ANXA8: variants seen among roughly 807,000 people sequenced by gnomAD.
ANXA8 encodes the protein annexin A8.
A neutral mutation model predicts 26.8 loss-of-function variants in ANXA8; 9 were observed. The ratio of observed to expected loss-of-function variants is 0.34; its 90% CI spans 0.20 to 0.59. The LOEUF is 0.59. Among genes scored for constraint, ANXA8 ranks in the 20% least tolerant of loss-of-function variants. The pLI is 0.84. For missense variants in ANXA8, 83 were observed against 238.5 expected, an observed-to-expected ratio of 0.35 and a Z score of 4.29; for synonymous variants, 39 against 94.8, an observed-to-expected ratio of 0.41 and a Z score of 3.42.
the ANXA8 span, among the ~76,000 whole-genome samples, chr10:47,701,625 C>T: frequency 6.6e-6 from 1 of 151,612 alleles, no homozygotes; most frequent in Non-Finnish European, 1.5e-5. Context: ...AGTATGCTGT[C>T]CTTCCTGTAA....
the ANXA8 span, among the ~76,000 whole-genome samples, chr10:47,967,603 CAGT>C: frequency 2.6e-3 from 230 of 88,664 alleles, no homozygotes; most frequent in African/African-American, 9.1e-3. Context: ...CATGACCAGC[CAGT>C]CACAGGGCCA....
chr10:47,667,524 A>T, the ANXA8 span, among the ~76,000 whole-genome samples: 11 of 151,638 alleles, frequency 7.3e-5, no homozygotes, highest in African/African-American at 2.7e-4. Flanking sequence ...TTTAATTTTT[A>T]AATTTATTTA....
the ANXA8 span, among the ~76,000 whole-genome samples, chr10:47,698,090 A>G: frequency 1.3e-5 from 2 of 151,372 alleles, no homozygotes; most frequent in African/African-American, 2.4e-5. Context: ...GGGAAGAGGG[A>G]CAATCTACTG....
chr10:47,733,219 T>TCTCTCTC, the ANXA8 span, among the ~76,000 whole-genome samples: 191 of 67,694 alleles, frequency 2.8e-3, no homozygotes, highest in Middle Eastern at 7.4e-3. Flanking sequence ...CTTTCTTTCT[T>TCTCTCTC]TCTCTTTCTT....
chr10:47,761,104 A>ACG, the ANXA8 span, among the ~76,000 whole-genome samples: 2 of 84,800 alleles, frequency 2.4e-5, no homozygotes, highest in African/African-American at 8.4e-5. Context: ...ACACACACGC[A>ACG]CACACACACA....
chr10:47,468,755 C>A lies in ANXA8; in HGVS notation c.*92G>T. 4 of 1,553,126 alleles carry A rather than the reference C, an allele frequency of 2.6e-6. No homozygotes were observed. The South Asian group carries it at 4.7e-5, about 18-fold the overall frequency. On this transcript the variant is annotated 3_prime_UTR_variant, in exon 12 of 12. Coordinates refer to ENST00000585281, the MANE Select transcript of ANXA8 (RefSeq NM_001040084.3). Reference sequence around the variant, plus strand: ...AATAGAAGACCGAAAGGCTGGGACCCCCCTCACACCCAACCTGCGTCCATG... The same window carrying A: ...AATAGAAGACCGAAAGGCTGGGACCACCCTCACACCCAACCTGCGTCCATG...
the ANXA8 span, among the ~76,000 whole-genome samples, chr10:47,768,533 G>A: frequency 4.0e-5 from 6 of 150,746 alleles, no homozygotes; most frequent in African/African-American, 1.5e-4. Flanking sequence ...GGAGGGAGGG[G>A]ATTTGCCAGA....
chr10:47,556,419 G>A, the ANXA8 span, among the ~76,000 whole-genome samples: 13 of 151,826 alleles, frequency 8.6e-5, no homozygotes, highest in African/African-American at 2.7e-4. Context: ...GTTTATATTC[G>A]CCATTTTAAC....
chr10:47,473,918 T>C, intron 9 of ANXA8, 52 bp downstream of exon 9: 1 of 390,356 alleles, frequency 2.6e-6, no homozygotes, highest in South Asian at 2.3e-5. Flanking sequence ...TCTTTGGTGC[T>C]GCCCCACGGT....
chr10:47,670,956 T>C, the ANXA8 span, among the ~76,000 whole-genome samples: 1 of 150,816 alleles, frequency 6.6e-6, no homozygotes, highest in Non-Finnish European at 1.5e-5. Context: ...CCCCAGTAAA[T>C]GGTATTACGA....
chr10:47,724,774 C>T, the ANXA8 span, among the ~76,000 whole-genome samples: 5 of 140,280 alleles, frequency 3.6e-5, no homozygotes, highest in Admixed American at 2.9e-4. Context: ...TCACCACAAC[C>T]AGTTAGGACA....
the ANXA8 span, among the ~76,000 whole-genome samples, chr10:47,563,949 G>A: frequency 4.4e-4 from 65 of 149,424 alleles, 1 homozygote; most frequent in African/African-American, 1.6e-3. Flanking sequence ...CTATAAATAA[G>A]ACCAAATTAT....
At chr10:47,778,933 G>C in the ANXA8 span, among the ~76,000 whole-genome samples, 14 of 149,270 alleles carry the variant, frequency 9.4e-5, no homozygotes, top group Non-Finnish European at 1.9e-4. Flanking sequence ...GATATGATAT[G>C]ATATGATGGC....
At chr10:47,584,123 G>C in the ANXA8 span, among the ~76,000 whole-genome samples, 2 of 148,778 alleles carry the variant, frequency 1.3e-5, no homozygotes, top group Non-Finnish European at 3.0e-5. Flanking sequence ...AAGCTATAGT[G>C]AGCCGAGATC....
At chr10:47,977,291 C>T in the ANXA8 span, among the ~76,000 whole-genome samples, 3 of 147,314 alleles carry the variant, frequency 2.0e-5, no homozygotes, top group Non-Finnish European at 3.0e-5. Context: ...ACAGCAGCAT[C>T]GGCAACAACA....
At chr10:47,678,667 G>A in the ANXA8 span, among the ~76,000 whole-genome samples, 1 of 151,810 alleles carries the variant, frequency 6.6e-6, no homozygotes. Flanking sequence ...AGTAACCTTG[G>A]GACAATAGCA....
chr10:47,733,199 T>TCTCTC, the ANXA8 span, among the ~76,000 whole-genome samples: 1 of 112,546 alleles, frequency 8.9e-6, no homozygotes, highest in African/African-American at 3.2e-5. Context: ...CTTTCTTTCT[T>TCTCTC]TCTTTCTTTC....
At chr10:47,656,500 C>T in the ANXA8 span, among the ~76,000 whole-genome samples, 3 of 143,830 alleles carry the variant, frequency 2.1e-5, no homozygotes, top group East Asian at 4.0e-4. Flanking sequence ...CCAGTTTTCT[C>T]GAGGGATATT....
chr10:47,594,205 A>T, the ANXA8 span, among the ~76,000 whole-genome samples: 9 of 150,208 alleles, frequency 6.0e-5, no homozygotes, highest in Non-Finnish European at 1.2e-4. Context: ...TCCTTAATAA[A>T]CTCCCCTTCA....
Sources: allele counts gnomAD v4.1 joint callset (sites outside exome capture counted in the v4.1 genomes callset), GRCh38; gene constraint gnomAD v4.1.1; transcripts MANE v1.5; gene names NCBI Gene and HGNC (gene_info 2026-07-23, HGNC 2026-07-21).